The following ZNF704 variants were observed in gnomAD, a reference collection of about 807,000 sequenced individuals.
The protein encoded by ZNF704 is zinc finger protein 704.
A neutral mutation model predicts 44.7 loss-of-function variants in ZNF704; 10 were observed. The observed-to-expected ratio is 0.22, with a 90% confidence interval of 0.14 to 0.38. ZNF704 has a LOEUF of 0.38. Among genes scored for constraint, ZNF704 ranks in the 10% least tolerant of loss-of-function variants. The probability of loss-of-function intolerance (pLI) is 1.00; values close to 1 mark genes in which losing one functional copy is unlikely to be tolerated. For missense variants in ZNF704, 390 were observed against 545.5 expected, an observed-to-expected ratio of 0.71 and a Z score of 2.84; for synonymous variants, 211 against 207.6, an observed-to-expected ratio of 1.02 and a Z score of -0.14.
intron 2 of ZNF704, among the ~76,000 whole-genome samples, chr8:80,780,884 T>A (rs1273290288): frequency 2.0e-5 from 3 of 152,168 alleles, no homozygotes; most frequent in African/African-American, 4.8e-5. Context: ...CCACAGTTCA[T>A]AATCTGTTAC....
intron 1 of ZNF704, among the ~76,000 whole-genome samples, chr8:80,828,164 T>A (rs949813294): frequency 6.6e-6 from 1 of 151,946 alleles, no homozygotes; most frequent in Admixed American, 6.6e-5. Context: ...TGGGAGAAAA[T>A]TTTTACAATC....
intron 2 of ZNF704, among the ~76,000 whole-genome samples, chr8:80,799,381 T>A (rs1168963811): frequency 2.0e-5 from 3 of 152,228 alleles, no homozygotes; most frequent in Admixed American, 2.0e-4. Context: ...AAGGCTTATT[T>A]CCCTTGAGTC....
At chr8:80,693,255 G>T in intron 2 of ZNF704, 148 bp from the exon 3 acceptor site, 1 of 684,168 alleles carries the variant, frequency 1.5e-6, no homozygotes, top group Non-Finnish European at 2.6e-6. Context: ...AGATGAGGAA[G>T]CTGAAGCCCA....
intron 2 of ZNF704, among the ~76,000 whole-genome samples, chr8:80,703,772 G>A (rs1388768407): frequency 6.6e-6 from 1 of 152,226 alleles, no homozygotes; most frequent in Non-Finnish European, 1.5e-5. Flanking sequence ...ACTGTGCCCA[G>A]CCTTGGAGTA....
intron 2 of ZNF704, among the ~76,000 whole-genome samples, chr8:80,762,072 G>C (rs1173857852): frequency 6.6e-6 from 1 of 152,146 alleles, no homozygotes; most frequent in Non-Finnish European, 1.5e-5. Context: ...TATACCCAAT[G>C]TTGTGATAAT....
intron 2 of ZNF704, among the ~76,000 whole-genome samples, chr8:80,695,917 T>G (rs1818717322): frequency 6.6e-6 from 1 of 152,228 alleles, no homozygotes; most frequent in Non-Finnish European, 1.5e-5. Flanking sequence ...AAGGAATACA[T>G]CACAATGACT....
intron 7 of ZNF704, among the ~76,000 whole-genome samples, chr8:80,649,634 C>T (rs1300145037): frequency 6.6e-6 from 1 of 152,200 alleles, no homozygotes; most frequent in Admixed American, 6.5e-5. Context: ...CCGCCATTGC[C>T]GAGGCTTGAG....
chr8:80,866,904 T>C (rs900068572), intron 1 of ZNF704, among the ~76,000 whole-genome samples: 13 of 152,136 alleles, frequency 8.5e-5, no homozygotes, highest in African/African-American at 2.7e-4. Flanking sequence ...CAGGCCTGGC[T>C]TGGCTCCTCC....
chr8:80,799,725 G>A (rs916677209), intron 2 of ZNF704, among the ~76,000 whole-genome samples: 9 of 152,146 alleles, frequency 5.9e-5, no homozygotes, highest in East Asian at 1.9e-4. Context: ...ATGCAAAAAC[G>A]CTGAAAACTC....
chr8:80,669,793 G>A (rs948085067), intron 5 of ZNF704, among the ~76,000 whole-genome samples: 8 of 152,174 alleles, frequency 5.3e-5, no homozygotes, highest in African/African-American at 1.9e-4. Context: ...TAGACTCAGG[G>A]CAAAAAGCAC....
At chr8:80,787,600 ATTTC>A (rs1216117921) in intron 2 of ZNF704, among the ~76,000 whole-genome samples, 3 of 152,164 alleles carry the variant, frequency 2.0e-5, no homozygotes, top group Non-Finnish European at 4.4e-5. Context: ...AATATGGCTG[ATTTC>A]TTTAATTTTC....
chr8:80,652,759 T>C (rs1036582873), intron 7 of ZNF704, among the ~76,000 whole-genome samples: 3 of 152,190 alleles, frequency 2.0e-5, no homozygotes, highest in African/African-American at 7.2e-5. Context: ...GCTGGTACCA[T>C]TCCTTCTGAA....
At chr8:80,697,685 G>A (rs1271655204) in intron 2 of ZNF704, among the ~76,000 whole-genome samples, 3 of 152,244 alleles carry the variant, frequency 2.0e-5, no homozygotes, top group Admixed American at 1.3e-4. Context: ...AGGGTTAAAT[G>A]AGAAAAGTAT....
intron 2 of ZNF704, among the ~76,000 whole-genome samples, chr8:80,815,284 A>G (rs542845440): frequency 1.3e-5 from 2 of 152,310 alleles, no homozygotes; most frequent in South Asian, 4.1e-4. Flanking sequence ...GTCTAAGAAT[A>G]CTTCTGGCCA....
At chr8:80,687,630 C>T (rs1338205998) in intron 3 of ZNF704, among the ~76,000 whole-genome samples, 172 bp from the exon 4 acceptor site, 1 of 152,168 alleles carries the variant, frequency 6.6e-6, no homozygotes, top group East Asian at 1.9e-4. Context: ...CTCCCAAAAG[C>T]CACATTGTAG....
chr8:80,691,166 A>G (rs1370321280), intron 3 of ZNF704, among the ~76,000 whole-genome samples: 1 of 152,226 alleles, frequency 6.6e-6, no homozygotes, highest in Non-Finnish European at 1.5e-5. Context: ...TAAGGCCTCA[A>G]TGTATGTTCA....
At chr8:80,660,159 T>C (rs1047102610) in intron 6 of ZNF704, among the ~76,000 whole-genome samples, 3 of 152,168 alleles carry the variant, frequency 2.0e-5, no homozygotes, top group African/African-American at 7.2e-5. Flanking sequence ...AGAATGTTCC[T>C]TGCACAACTA....
In ZNF704 at chr8:80,657,283, CCTTA is replaced by C. The variant is rs765056400; in HGVS notation, c.1032+2298_1032+2301del. On this transcript the variant is annotated intron_variant, in intron 7 of 8. Coordinates refer to ENST00000327835, the MANE Select transcript of ZNF704 (RefSeq NM_001033723.3). ...AAAACCTTTGAAAATTCCACCCCAC[CCTTA>C]CTTTATCTTTAAATAGGAATGGCAA... 6.6e-5 allele frequency among the ~76,000 whole-genome samples: 10 copies of C among 152,136 alleles called. 1 individual carries two copies. Among genetic ancestry groups the C allele is most frequent in the Non-Finnish European group, 1.5e-4 (10 of 68,038 alleles).
intron 2 of ZNF704, among the ~76,000 whole-genome samples, chr8:80,802,817 C>T (rs1009064202): frequency 3.3e-5 from 5 of 152,110 alleles, no homozygotes; most frequent in Middle Eastern, 3.4e-3. Context: ...CTGTTCAACA[C>T]GGTATTGGAA....
Sources: gnomAD v4.1 joint callset for allele counts (sites outside exome capture counted in the v4.1 genomes callset) on GRCh38, gnomAD v4.1.1 for gene constraint, MANE v1.5 for transcripts, NCBI Gene and HGNC (gene_info 2026-07-23, HGNC 2026-07-21) for gene names.